RCAN2: variants seen among roughly 807,000 people sequenced by gnomAD.
RCAN2 encodes calcipressin-2.
In RCAN2, 9 loss-of-function variants were observed where a neutral mutation model predicts 23.6. The ratio of observed to expected loss-of-function variants is 0.38; its 90% CI spans 0.23 to 0.67. The LOEUF (loss-of-function observed/expected upper bound fraction) is 0.67, where lower values mean the gene tolerates loss of function less well. Among genes scored for constraint, RCAN2 ranks in the 30% least tolerant of loss-of-function variants. The pLI, the probability that RCAN2 is intolerant of heterozygous loss-of-function variation, is 0.51. For synonymous variants in RCAN2, 109 were observed against 115.7 expected (o/e 0.94, Z 0.37); for missense variants, 273 against 302.3 (o/e 0.90, Z 0.72).
chr6:46,223,176 G>A lies in RCAN2; in HGVS notation c.697C>T (p.Arg233Trp). 4 of 1,613,740 alleles carry A rather than the reference G, an allele frequency of 2.5e-6. No individual in the cohort carries two copies. The highest frequency in any genetic ancestry group is 1.1e-5 in the South Asian group (1 of 91,052). ...ACGGAGGGTGGCAGGCCAGGACGCC[G>A]AGTTTGGATGATTTTTGGCTTTGGG... ...TSPKPKIIQT[R>W]RPGLPPSVSN is the part of the protein sequence containing the mutation. Residue 233 changes from arginine (R) to tryptophan (W), a missense_variant, in exon 5 of 5, where the codon CGG (arginine) becomes TGG (tryptophan). By Grantham distance (101) the Arg-to-Trp change is moderately radical (BLOSUM62 -3). Transcript: ENST00000371374.
chr6:46,430,640 T>C (rs1233046105), intron 2 of RCAN2, among the ~76,000 whole-genome samples: 1 of 152,218 alleles, frequency 6.6e-6, no homozygotes, highest in Non-Finnish European at 1.5e-5. Context: ...TGCCTTCTCA[T>C]CGGGAATGTG....
chr6:46,240,454 CT>C (rs35545068), intron 4 of RCAN2, among the ~76,000 whole-genome samples: 59 of 151,912 alleles, frequency 3.9e-4, no homozygotes, highest in African/African-American at 1.4e-3. Flanking sequence ...CTGAAAAAAC[CT>C]TTTTTTTCCA....
intron 2 of RCAN2, among the ~76,000 whole-genome samples, chr6:46,324,451 T>G (rs557495637): frequency 1.8e-4 from 27 of 152,344 alleles, no homozygotes; most frequent in African/African-American, 6.5e-4. Flanking sequence ...GGGTTTTTCC[T>G]TAAGTTAAGA....
Position 46,390,898 on chromosome 6 carries a change from C to T in RCAN2, c.225+65854G>A, listed in dbSNP as rs147055556. 3.4e-4 allele frequency among the ~76,000 whole-genome samples: 52 copies of T among 152,236 alleles called. No individual in the cohort carries two copies. In the East Asian group the frequency reaches 8.9e-3, roughly 26 times the overall value. On this transcript the variant is annotated intron_variant, in intron 2 of 4. Coordinates refer to ENST00000371374, the MANE Select transcript of RCAN2 (RefSeq NM_001251974.2). Reference sequence around the variant, plus strand: ...ATGAGGTTGGGTGAGAAAATGAATGCGAAGTGCCCAGTAGACTACTTGGGT... The same window carrying T: ...ATGAGGTTGGGTGAGAAAATGAATGTGAAGTGCCCAGTAGACTACTTGGGT...
At chr6:46,465,402 A>T (rs1332551293) in intron 1 of RCAN2, among the ~76,000 whole-genome samples, 1 of 152,330 alleles carries the variant, frequency 6.6e-6, no homozygotes, top group East Asian at 1.9e-4. Context: ...ATTTGAAAAG[A>T]GTATAACAAA....
At chr6:46,477,926 T>C (rs985456554) in intron 1 of RCAN2, among the ~76,000 whole-genome samples, 20 of 152,200 alleles carry the variant, frequency 1.3e-4, no homozygotes, top group African/African-American at 4.8e-4. Context: ...ATCTTAAGGA[T>C]GCCCTGAAAA....
At chr6:46,336,959 A>G (rs1255948367) in intron 2 of RCAN2, among the ~76,000 whole-genome samples, 1 of 151,940 alleles carries the variant, frequency 6.6e-6, no homozygotes, top group Non-Finnish European at 1.5e-5. Context: ...GTACCAAAAA[A>G]AAAAAAAAGC....
chr6:46,346,715 T>C (rs1013631238), intron 2 of RCAN2, among the ~76,000 whole-genome samples: 1 of 152,062 alleles, frequency 6.6e-6, no homozygotes, highest in Non-Finnish European at 1.5e-5. Context: ...AAAATATTAA[T>C]AGTACTTAAC....
intron 2 of RCAN2, among the ~76,000 whole-genome samples, chr6:46,289,420 C>T (rs1442096547): frequency 1.3e-5 from 2 of 152,186 alleles, no homozygotes; most frequent in Non-Finnish European, 2.9e-5. Context: ...ACTGTAGACC[C>T]TATGGAATGC....
chr6:46,474,097 T>C (rs1415808500), intron 1 of RCAN2, among the ~76,000 whole-genome samples: 1 of 151,910 alleles, frequency 6.6e-6, no homozygotes, highest in Non-Finnish European at 1.5e-5. Flanking sequence ...GGCAGAGCTC[T>C]GGGGACTCAA....
Position 46,221,933 on chromosome 6 carries a change from CG to C in RCAN2, c.*1207del, listed in dbSNP as rs1204939706. 4 of 398,342 alleles carry C rather than the reference CG, an allele frequency of 1.0e-5. No homozygotes were observed. The highest frequency in any genetic ancestry group is 1.8e-5 in the Non-Finnish European group (4 of 226,008). 24.7% of individuals were successfully genotyped at this position (398,342 alleles called of 1,614,324 possible). A position where few individuals can be genotyped will look rare whatever the true frequency, so the allele number is the denominator to read the frequency against. ...AAAACAAATAACTTTTTTGAGCACA[CG>C]GGTGTCGCGTGAGTAGGACCGGCAT... On this transcript the variant is annotated 3_prime_UTR_variant, in exon 5 of 5. Transcript: ENST00000371374.
intron 2 of RCAN2, among the ~76,000 whole-genome samples, chr6:46,330,792 A>G (rs1194320106): frequency 1.3e-5 from 2 of 152,112 alleles, no homozygotes; most frequent in Non-Finnish European, 2.9e-5. Context: ...TGATGAAGCC[A>G]TGTTATTTGT....
At chr6:46,484,246 A>G (rs1330138910) in intron 1 of RCAN2, among the ~76,000 whole-genome samples, 7 of 152,256 alleles carry the variant, frequency 4.6e-5, no homozygotes, top group Non-Finnish European at 1.0e-4. Flanking sequence ...TAGTAAATGT[A>G]GAGCCTTTTT....
At chr6:46,235,724 A>G (rs1387348391) in intron 4 of RCAN2, among the ~76,000 whole-genome samples, 1 of 152,136 alleles carries the variant, frequency 6.6e-6, no homozygotes, top group Admixed American at 6.5e-5. Flanking sequence ...ACCAAGCACT[A>G]TTGAACATTG....
chr6:46,306,472 T>A (rs562498546), intron 2 of RCAN2, among the ~76,000 whole-genome samples: 1 of 152,230 alleles, frequency 6.6e-6, no homozygotes, highest in South Asian at 2.1e-4. Context: ...TCTACACAGT[T>A]TCAAAGGATA....
chr6:46,250,175 C>T (rs1013464370), intron 2 of RCAN2, among the ~76,000 whole-genome samples: 1 of 151,904 alleles, frequency 6.6e-6, no homozygotes, highest in African/African-American at 2.4e-5. Context: ...AGCAGATACA[C>T]ACAAGTAAGA....
chr6:46,468,713 G>T lies in RCAN2; in HGVS notation c.-2-11735C>A, dbSNP rs553856972. 1.7e-5 allele frequency: 11 copies of T among 642,520 alleles called. No homozygotes were observed. The Admixed American group carries it at 1.9e-4, about 11-fold the overall frequency. 39.8% of individuals were successfully genotyped at this position (642,520 alleles called of 1,614,324 possible). A position where few individuals can be genotyped will look rare whatever the true frequency, so the allele number is the denominator to read the frequency against. ...GCTGTGCTGACGAGACAAATGGAAT[G>T]TAATACCCTCAGATTCCCTCTCTCC... On this transcript the variant is annotated intron_variant, in intron 1 of 4. Coordinates refer to ENST00000371374, the MANE Select transcript of RCAN2 (RefSeq NM_001251974.2).
intron 2 of RCAN2, among the ~76,000 whole-genome samples, chr6:46,435,100 C>T (rs1380244890): frequency 6.6e-6 from 1 of 152,120 alleles, no homozygotes; most frequent in Non-Finnish European, 1.5e-5. Context: ...TCACTTTGTG[C>T]CCAGCAATAA....
intron 2 of RCAN2, among the ~76,000 whole-genome samples, chr6:46,391,686 A>T (rs1270068114): frequency 1.3e-5 from 2 of 152,146 alleles, no homozygotes; most frequent in African/African-American, 4.8e-5. Context: ...AAGTTGGAGG[A>T]GTTATACCTG....
Sources: gnomAD v4.1 joint callset for allele counts (sites outside exome capture counted in the v4.1 genomes callset) on GRCh38, gnomAD v4.1.1 for gene constraint, MANE v1.5 for transcripts, NCBI Gene and HGNC (gene_info 2026-07-23, HGNC 2026-07-21) for gene names.